Variants in TRHDE observed in about 807,000 individuals in gnomAD.
The protein encoded by TRHDE is thyrotropin releasing hormone degrading enzyme.
TRHDE carries 72 observed loss-of-function variants against 125.7 expected under a neutral mutation model. The ratio of observed to expected loss-of-function variants is 0.57; its 90% CI spans 0.47 to 0.70. The LOEUF (loss-of-function observed/expected upper bound fraction) is 0.70. TRHDE is among the 30% of genes least tolerant of loss of function. The pLI, the probability that TRHDE is intolerant of heterozygous loss-of-function variation, is 0.00. For missense variants in TRHDE, 1,110 were observed against 1,327.1 expected (o/e 0.84, Z 2.54); for synonymous variants, 509 against 509.1 (o/e 1.00, Z 0.00).
intron 6 of TRHDE, among the ~76,000 whole-genome samples, chr12:72,520,794 C>T (rs1879158229): frequency 6.6e-6 from 1 of 152,198 alleles, no homozygotes; most frequent in East Asian, 1.9e-4. Flanking sequence ...TAATAAGGTT[C>T]ACGCATCAAC....
rs186567850 is a variant in TRHDE at position 72,164,155 on chromosome 12, C to T, written n.279+58403C>T. ...AACAACAACAACAAACAAAATTCAT[C>T]GATAAATGCATTGATGAGGGTAGTT... On this transcript the variant is annotated intron_variant and non_coding_transcript_variant, in intron 2 of 4. Coordinates refer to the TRHDE transcript ENST00000548156. 2.6e-3 allele frequency among the ~76,000 whole-genome samples: 401 copies of T among 152,152 alleles called. 1 individual carries two copies. The highest frequency in any genetic ancestry group is 9.2e-3 in the African/African-American group (380 of 41,520).
At chr12:72,583,923 C>CTT (rs1190363456) in intron 12 of TRHDE, among the ~76,000 whole-genome samples, 4,281 of 60,440 alleles carry the variant, frequency 0.071, 1,205 homozygotes, top group Non-Finnish European at 0.085. Context: ...GGATGACAAA[C>CTT]TTTTTTTTTT....
chr12:72,114,137 G>A (rs952988947), intron 2 of TRHDE, among the ~76,000 whole-genome samples: 3 of 151,554 alleles, frequency 2.0e-5, no homozygotes, highest in Admixed American at 1.3e-4. Flanking sequence ...TTTATGCCAG[G>A]GGCTCCTGGA....
Position 72,668,399 on chromosome 12 carries a change from T to C in TRHDE, c.*5204T>C, listed in dbSNP as rs1875172194. The C allele has an allele frequency of 6.6e-6, 1 of 151,762 alleles. No individual in the cohort carries two copies. Among genetic ancestry groups the C allele is most frequent in the Admixed American group, 6.6e-5 (1 of 15,180 alleles). The allele number at this position is 151,762 out of a possible 1,614,324, so 9.4% of individuals were successfully genotyped here. On this transcript the variant is annotated 3_prime_UTR_variant, in exon 19 of 19. Transcript: ENST00000261180. ...ATAGGTTTTTCACCACTGGCCCCACTAGTAGATGATTTTACCCCAGATTTT... is the reference window on the plus strand; with the variant it reads ...ATAGGTTTTTCACCACTGGCCCCACCAGTAGATGATTTTACCCCAGATTTT...
intron 3 of TRHDE, among the ~76,000 whole-genome samples, chr12:72,451,826 G>A (rs568531415): frequency 6.6e-6 from 1 of 150,752 alleles, no homozygotes; most frequent in South Asian, 2.1e-4. Flanking sequence ...CTTTCTTTTT[G>A]TTTGTTTTGT....
At chr12:72,507,013 A>G (rs1878383066) in intron 6 of TRHDE, among the ~76,000 whole-genome samples, 2 of 151,816 alleles carry the variant, frequency 1.3e-5, no homozygotes, top group Non-Finnish European at 2.9e-5. Flanking sequence ...TATGTATACC[A>G]CCTCACCCTA....
intron 12 of TRHDE, among the ~76,000 whole-genome samples, chr12:72,591,253 G>A (rs1485048952): frequency 6.6e-6 from 1 of 152,058 alleles, no homozygotes; most frequent in East Asian, 1.9e-4. Flanking sequence ...ATGAGATTTG[G>A]GTGTGGACAC....
chr12:72,416,109 T>C (rs746242697), intron 3 of TRHDE, among the ~76,000 whole-genome samples: 1 of 152,124 alleles, frequency 6.6e-6, no homozygotes, highest in African/African-American at 2.4e-5. Context: ...TGAGATAATA[T>C]CTCATTGTGG....
intron 3 of TRHDE, among the ~76,000 whole-genome samples, chr12:72,425,889 A>G (rs2135833442): frequency 6.6e-6 from 1 of 152,148 alleles, no homozygotes; most frequent in South Asian, 2.1e-4. Flanking sequence ...TCACTAAAGA[A>G]ACTAAGAAGC....
chr12:72,106,199 GTC>G (rs1170529130), intron 2 of TRHDE, among the ~76,000 whole-genome samples: 1 of 152,030 alleles, frequency 6.6e-6, no homozygotes, highest in Non-Finnish European at 1.5e-5. Context: ...TAAATTCAAT[GTC>G]TCTGATTTCC....
At chr12:72,109,343 T>C (rs1475772031) in intron 2 of TRHDE, among the ~76,000 whole-genome samples, 7 of 152,108 alleles carry the variant, frequency 4.6e-5, no homozygotes, top group African/African-American at 1.7e-4. Context: ...TTTTTGTCTT[T>C]GTGATTTCTC....
At chr12:72,153,205 T>A (rs1876413211) in intron 2 of TRHDE, among the ~76,000 whole-genome samples, 1 of 152,238 alleles carries the variant, frequency 6.6e-6, no homozygotes, top group African/African-American at 2.4e-5. Context: ...TAGTATTCTC[T>A]GATGGTAGTT....
intron 2 of TRHDE, among the ~76,000 whole-genome samples, chr12:72,376,067 G>A (rs1768387232): frequency 6.6e-6 from 1 of 152,142 alleles, no homozygotes; most frequent in African/African-American, 2.4e-5. Flanking sequence ...AGAACCAGAA[G>A]TGCCTGGGGT....
chr12:72,529,324 G>T (rs908575458), intron 6 of TRHDE, among the ~76,000 whole-genome samples: 8 of 151,790 alleles, frequency 5.3e-5, no homozygotes, highest in African/African-American at 1.5e-4. Context: ...ATATACTCAA[G>T]ACCCAAAGTC....
intron 2 of TRHDE, among the ~76,000 whole-genome samples, chr12:72,330,547 G>C: frequency 6.6e-6 from 1 of 152,142 alleles, no homozygotes; most frequent in East Asian, 1.9e-4. Context: ...CTGGTAATTA[G>C]ACCCACTGGT....
chr12:72,190,166 A>G (rs938011654), intron 2 of TRHDE, among the ~76,000 whole-genome samples: 5 of 152,158 alleles, frequency 3.3e-5, no homozygotes, highest in Admixed American at 1.3e-4. Flanking sequence ...TAGAAATGGC[A>G]TCTATATGAT....
At chr12:72,645,913 C>G (rs1874261587) in intron 15 of TRHDE, among the ~76,000 whole-genome samples, 1 of 151,820 alleles carries the variant, frequency 6.6e-6, no homozygotes, top group Admixed American at 6.6e-5. Flanking sequence ...CTTTCTCGGA[C>G]AAATAAAAGC....
intron 2 of TRHDE, among the ~76,000 whole-genome samples, chr12:72,163,502 G>T (rs35648763): frequency 0.096 from 14,610 of 152,196 alleles, 1,172 homozygotes; most frequent in African/African-American, 0.22. Flanking sequence ...TTTTTGTGAA[G>T]ATATTTATAA....
intron 6 of TRHDE, among the ~76,000 whole-genome samples, chr12:72,516,168 C>A (rs1185364348): frequency 6.6e-6 from 1 of 151,004 alleles, no homozygotes; most frequent in East Asian, 1.9e-4. Flanking sequence ...TAGTTTTTTC[C>A]AATTCTGTGA....
Sources: allele counts gnomAD v4.1 joint callset (sites outside exome capture counted in the v4.1 genomes callset), GRCh38; gene constraint gnomAD v4.1.1; transcripts MANE v1.5; gene names NCBI Gene and HGNC (gene_info 2026-07-23, HGNC 2026-07-21).